The following FAM216B variants were observed in gnomAD, a reference collection of about 807,000 sequenced individuals.
FAM216B encodes the protein protein FAM216B.
In FAM216B, 11 loss-of-function variants were observed where a neutral mutation model predicts 12.9. The observed-to-expected ratio is 0.86, with a 90% CI of 0.54 to 1.42. FAM216B has a LOEUF of 1.42. Ranked by LOEUF, FAM216B falls within the 40% of genes most tolerant of loss-of-function variation. The pLI, the probability that FAM216B is intolerant of heterozygous loss-of-function variation, is 0.00. For synonymous variants in FAM216B, 52 were observed against 57.2 expected, an observed-to-expected ratio of 0.91 and a Z score of 0.41; for missense variants, 167 against 162.9, an observed-to-expected ratio of 1.02 and a Z score of -0.14.
Position 42,790,507 on chromosome 13 carries a change from AG to A in FAM216B, c.*1719del, listed in dbSNP as rs1437200085. 1 of 152,138 alleles carries A rather than the reference AG, an allele frequency of 6.6e-6. No homozygotes were observed. Among genetic ancestry groups the A allele is most frequent in the Non-Finnish European group, 1.5e-5 (1 of 68,004 alleles). 9.4% of individuals were successfully genotyped at this position (152,138 alleles called of 1,614,324 possible). ...AGGTGAATGTCACAGGTCCATAAGA[AG>A]GACAAATAGATCTAAGTTGGGCAAA... On this transcript the variant is annotated 3_prime_UTR_variant, in exon 4 of 4. Transcript: ENST00000313851.
Position 42,790,068 on chromosome 13 carries a change from A to C in FAM216B, c.*1278A>C, listed in dbSNP as rs974829094. 6.6e-6 allele frequency: 1 copy of C among 152,114 alleles called. No individual in the cohort carries two copies. Among genetic ancestry groups the C allele is most frequent in the Non-Finnish European group, 1.5e-5 (1 of 68,022 alleles). The allele number at this position is 152,114 out of a possible 1,614,324, so 9.4% of individuals were successfully genotyped here. A position where few individuals can be genotyped will look rare whatever the true frequency, so the allele number is the denominator to read the frequency against. On this transcript the variant is annotated 3_prime_UTR_variant, in exon 4 of 4. Transcript: ENST00000313851. ...CTGACCTTGCTGGGGTCATTCACTT[A>C]ATCATAAAGAAGCTTCTTGACCTCT...
chr13:42,783,962 T>G, intron 1 of FAM216B, 92 bp from the exon 2 acceptor site: 1 of 719,582 alleles, frequency 1.4e-6, no homozygotes, highest in Non-Finnish European at 2.3e-6. Context: ...TTTTTAAAAA[T>G]TCATTTACTT....
At chr13:42,787,006 A>C in intron 3 of FAM216B, 123 bp downstream of exon 3, 1 of 1,431,304 alleles carries the variant, frequency 7.0e-7, no homozygotes, top group African/African-American at 1.4e-5. Context: ...TTTTATCAAC[A>C]TAGCTGGTTA....
chr13:42,786,898 G>T lies in FAM216B; in HGVS notation c.220+15G>T. On this transcript the variant is annotated intron_variant, in intron 3 of 3. Transcript: ENST00000313851. ...ACAGCTGCTTGGTAAGTTTAACTAC[G>T]TGATCCAAACTAAGCACCTAAGGAA... The T allele has an allele frequency of 1.2e-6, 2 of 1,613,152 alleles. No individual in the cohort carries two copies. Among genetic ancestry groups the T allele is most frequent in the South Asian group, 2.2e-5 (2 of 90,990 alleles).
In FAM216B at chr13:42,788,847, G is replaced by C; in HGVS notation, c.*57G>C. The stretch of plus-strand genomic sequence containing the variant: ...TGCCCATGTATCCCTGGTATCTAGT[G>C]GGTGCTTTGTGCATATTTGTTGAAT... On this transcript the variant is annotated 3_prime_UTR_variant, in exon 4 of 4. Transcript: ENST00000313851. The C allele has an allele frequency of 6.7e-7, 1 of 1,491,278 alleles. No homozygotes were observed. 92.4% of individuals were successfully genotyped at this position (1,491,278 alleles called of 1,614,324 possible). A position where few individuals can be genotyped will look rare whatever the true frequency, so the allele number is the denominator to read the frequency against.
intron 3 of FAM216B, 106 bp downstream of exon 3, chr13:42,786,989 C>A: frequency 6.7e-7 from 1 of 1,501,834 alleles, no homozygotes; most frequent in Non-Finnish European, 9.0e-7. Flanking sequence ...CATCTACTGG[C>A]GTGCTATTTT....
At chr13:42,784,257 T>C in intron 2 of FAM216B, 91 bp downstream of exon 2, 1 of 865,214 alleles carries the variant, frequency 1.2e-6, no homozygotes, top group South Asian at 1.9e-5. Context: ...CTGTCTTTGT[T>C]TACCTAGCAT....
rs1479974167 is a variant in FAM216B, at chr13:42,791,374, C to A, written c.*2584C>A. 1 of 152,016 alleles carries A rather than the reference C, an allele frequency of 6.6e-6. No homozygotes were observed. The highest frequency in any genetic ancestry group is 1.5e-5 in the Non-Finnish European group (1 of 67,986). 9.4% of individuals were successfully genotyped at this position (152,016 alleles called of 1,614,324 possible). On this transcript the variant is annotated 3_prime_UTR_variant, in exon 4 of 4. Coordinates refer to ENST00000313851, the MANE Select transcript of FAM216B (RefSeq NM_001318932.2). ...TCATGTGTCTCCAGCCCCTGTAGTA[C>A]TATATATTATTGCATTTAAATGATG... is the stretch of plus-strand genomic sequence containing the variant.
rs1031007780 is a variant in FAM216B, at chr13:42,790,256, C to G, written c.*1466C>G. ...GGTGGGAGACCTAACTTGGCCTATA[C>G]TAGCCTTCCCATTGTTTTCACAATG... On this transcript the variant is annotated 3_prime_UTR_variant, in exon 4 of 4. Coordinates refer to ENST00000313851, the MANE Select transcript of FAM216B (RefSeq NM_001318932.2). 9 of 152,144 alleles carry G rather than the reference C, an allele frequency of 5.9e-5. No homozygotes were observed. Among genetic ancestry groups the G allele is most frequent in the Non-Finnish European group, 1.0e-4 (7 of 68,040 alleles). 9.4% of individuals were successfully genotyped at this position (152,144 alleles called of 1,614,324 possible). A position where few individuals can be genotyped will look rare whatever the true frequency, so the allele number is the denominator to read the frequency against.
chr13:42,786,683 A>G, intron 2 of FAM216B, 80 bp from the exon 3 acceptor site: 1 of 1,483,210 alleles, frequency 6.7e-7, no homozygotes, highest in Non-Finnish European at 9.0e-7. Context: ...TTATTTCCAT[A>G]AAAGTTTGCT....
At chr13:42,783,714 A>G (rs893012080) in intron 1 of FAM216B, among the ~76,000 whole-genome samples, 1 of 152,110 alleles carries the variant, frequency 6.6e-6, no homozygotes, top group South Asian at 2.1e-4. Flanking sequence ...ATGAAAATCA[A>G]TATTATTTAA....
intron 1 of FAM216B, among the ~76,000 whole-genome samples, chr13:42,783,087 T>C (rs1419008622): frequency 1.3e-5 from 2 of 152,116 alleles, no homozygotes; most frequent in Non-Finnish European, 2.9e-5. Flanking sequence ...AGGTGCAGGA[T>C]AACTTGAGCC....
intron 1 of FAM216B, among the ~76,000 whole-genome samples, chr13:42,783,714 A>C (rs893012080): frequency 6.6e-6 from 1 of 152,110 alleles, no homozygotes; most frequent in African/African-American, 2.4e-5. Flanking sequence ...ATGAAAATCA[A>C]TATTATTTAA....
rs1387229064 is a variant in FAM216B at position 42,790,948 on chromosome 13, C to T, written c.*2158C>T. 6.6e-6 allele frequency: 1 copy of T among 152,002 alleles called. No homozygotes were observed. Among genetic ancestry groups the T allele is most frequent in the Admixed American group, 6.6e-5 (1 of 15,260 alleles). The allele number at this position is 152,002 out of a possible 1,614,324, so 9.4% of individuals were successfully genotyped here. ...GGCTTTGTGATATTATTCTAGAGTC[C>T]CAGTAACCCACAATTGTTGATGAGG... On this transcript the variant is annotated 3_prime_UTR_variant, in exon 4 of 4. Coordinates refer to ENST00000313851, the MANE Select transcript of FAM216B (RefSeq NM_001318932.2).
At position 42,791,426 on chromosome 13, in the gene FAM216B, A is replaced by G. The variant is rs1002513124; in HGVS notation, c.*2636A>G. 2.0e-5 allele frequency: 3 copies of G among 152,164 alleles called. No individual in the cohort carries two copies. Among genetic ancestry groups the G allele is most frequent in the Non-Finnish European group, 1.5e-5 (1 of 68,016 alleles). The allele number at this position is 152,164 out of a possible 1,614,324, so 9.4% of individuals were successfully genotyped here. A position where few individuals can be genotyped will look rare whatever the true frequency, so the allele number is the denominator to read the frequency against. On this transcript the variant is annotated 3_prime_UTR_variant, in exon 4 of 4. Coordinates refer to ENST00000313851, the MANE Select transcript of FAM216B (RefSeq NM_001318932.2). ...ATTTGAAATAAACAATGATTATACC[A>G]TGATTGTAAAGACAAGAAACAGAAC... is the stretch of plus-strand genomic sequence containing the variant.
chr13:42,782,177 G>A (rs4942158), intron 1 of FAM216B, among the ~76,000 whole-genome samples: 41,544 of 152,110 alleles, frequency 0.27, 5,712 homozygotes, highest in African/African-American at 0.33. Context: ...TGGAACCTTC[G>A]ATGTGTGAAC....
In FAM216B at chr13:42,790,736, G is replaced by A. The variant is rs1223079001; in HGVS notation, c.*1946G>A. On this transcript the variant is annotated 3_prime_UTR_variant, in exon 4 of 4. Coordinates refer to ENST00000313851, the MANE Select transcript of FAM216B (RefSeq NM_001318932.2). Reference sequence around the variant, plus strand: ...AAAAGGCTACTACTTTTAACTGTTGGAGAAAATGCTATTGCTTGCACTCAC... The same window carrying A: ...AAAAGGCTACTACTTTTAACTGTTGAAGAAAATGCTATTGCTTGCACTCAC... The A allele has an allele frequency of 6.6e-6, 1 of 152,160 alleles. No individual in the cohort carries two copies. The highest frequency in any genetic ancestry group is 1.5e-5 in the Non-Finnish European group (1 of 68,018). 9.4% of individuals were successfully genotyped at this position (152,160 alleles called of 1,614,324 possible).
At chr13:42,785,511 C>T (rs1467479449) in intron 2 of FAM216B, among the ~76,000 whole-genome samples, 1 of 152,208 alleles carries the variant, frequency 6.6e-6, no homozygotes, top group African/African-American at 2.4e-5. Context: ...GTTGATGCCA[C>T]TATTGTTTCC....
At chr13:42,785,788 T>C (rs1403329072) in intron 2 of FAM216B, among the ~76,000 whole-genome samples, 1 of 144,504 alleles carries the variant, frequency 6.9e-6, no homozygotes, top group Non-Finnish European at 1.5e-5. Context: ...TTTTTTTAAA[T>C]GCAAATCTGG....
Sources: gnomAD v4.1 joint callset for allele counts (sites outside exome capture counted in the v4.1 genomes callset) on GRCh38, gnomAD v4.1.1 for gene constraint, MANE v1.5 for transcripts, NCBI Gene and HGNC (gene_info 2026-07-23, HGNC 2026-07-21) for gene names.